Variants in TRAK2 observed in about 807,000 individuals in gnomAD.
The protein encoded by TRAK2 is trafficking kinesin protein 2.
TRAK2 carries 81 observed loss-of-function variants against 104.6 expected under a neutral mutation model. That is an observed-to-expected ratio of 0.77 (90% CI 0.65 to 0.93). TRAK2 has a LOEUF of 0.93. Ranked by LOEUF, TRAK2 falls within the 40% of genes least tolerant of loss-of-function variation. The probability of loss-of-function intolerance (pLI) is 0.00; values close to 1 mark genes in which losing one functional copy is unlikely to be tolerated. For missense variants in TRAK2, 1,002 were observed against 1,089.0 expected (o/e 0.92, Z 1.12); for synonymous variants, 406 against 394.4 (o/e 1.03, Z -0.35).
chr2:201,393,129 T>A, intron 9 of TRAK2, 83 bp from the exon 10 acceptor site: 1 of 1,424,742 alleles, frequency 7.0e-7, no homozygotes, highest in East Asian at 2.3e-5. Flanking sequence ...TTGGGATAAG[T>A]ATTGATTTTA....
chr2:201,381,501 T>A (rs1951345286), intron 15 of TRAK2, among the ~76,000 whole-genome samples: 1 of 152,208 alleles, frequency 6.6e-6, no homozygotes, highest in Non-Finnish European at 1.5e-5. Flanking sequence ...TAGATAACTT[T>A]ACTCTTAAAT....
intron 1 of TRAK2, among the ~76,000 whole-genome samples, chr2:201,426,761 G>A (rs1239358801): frequency 6.6e-6 from 1 of 152,184 alleles, no homozygotes; most frequent in Non-Finnish European, 1.5e-5. Context: ...CCTGCAGACT[G>A]TGCACCAAGT....
At position 201,420,598 on chromosome 2, in the gene TRAK2, A is replaced by G. The variant is rs1951732175; in HGVS notation, c.-91T>C. 1 of 1,044,330 alleles carries G rather than the reference A, an allele frequency of 9.6e-7. No individual in the cohort carries two copies. The highest frequency in any genetic ancestry group is 1.5e-6 in the Non-Finnish European group (1 of 680,512). 64.7% of individuals were successfully genotyped at this position (1,044,330 alleles called of 1,614,324 possible). On this transcript the variant is annotated 5_prime_UTR_variant, in exon 2 of 16. Coordinates refer to ENST00000332624, the MANE Select transcript of TRAK2 (RefSeq NM_015049.3). ...ATCAAGCCATTCAATAATGAAATGG[A>G]TTTGGTCACATGGATATTTTCTTTT...
intron 1 of TRAK2, among the ~76,000 whole-genome samples, chr2:201,442,711 T>C (rs570477203): frequency 6.6e-5 from 10 of 152,338 alleles, no homozygotes; most frequent in East Asian, 1.9e-4. Flanking sequence ...ATTTCTCTTA[T>C]TCTCATTCCT....
chr2:201,421,544 G>A (rs1410081244), intron 1 of TRAK2, among the ~76,000 whole-genome samples: 1 of 151,848 alleles, frequency 6.6e-6, no homozygotes, highest in Non-Finnish European at 1.5e-5. Flanking sequence ...AATGTCTCCA[G>A]ACATTGTCAG....
intron 1 of TRAK2, among the ~76,000 whole-genome samples, chr2:201,437,546 G>A (rs1387226845): frequency 1.3e-5 from 2 of 151,828 alleles, no homozygotes; most frequent in African/African-American, 4.8e-5. Flanking sequence ...TTCTTTTTCT[G>A]CTTCACTAAC....
In TRAK2 at chr2:201,381,103, G is replaced by C; in HGVS notation, c.2185C>G (p.Arg729Gly). 1 of 1,614,020 alleles carries C rather than the reference G, an allele frequency of 6.2e-7. No homozygotes were observed. Among genetic ancestry groups the C allele is most frequent in the Non-Finnish European group, 8.5e-7 (1 of 1,179,976 alleles). Reference sequence around the variant, plus strand: ...CTACTGAAGGTTGTAGTGGAATCTCGTCGGTTGGTGATGGACTCACCAATG... The same window carrying C: ...CTACTGAAGGTTGTAGTGGAATCTCCTCGGTTGGTGATGGACTCACCAATG... ...LSIGESITNRRDSTTTFSSTM... is the reference protein window; with the variant it reads ...LSIGESITNRGDSTTTFSSTM... Residue 729 changes from arginine to glycine, a missense_variant, in exon 16 of 16, where the codon CGA becomes GGA. Transcript: ENST00000332624.
rs545670475 is a variant in TRAK2 at position 201,382,400 on chromosome 2, C to T, written c.2070-1182G>A. On this transcript the variant is annotated intron_variant, in intron 15 of 15. Transcript: ENST00000332624. ...TGTAAGCTTAAAATTAACAAACTTT[C>T]TAAAGCACCAACTTGTATAGGAACA... 2.0e-5 allele frequency among the ~76,000 whole-genome samples: 3 copies of T among 152,278 alleles called. No individual in the cohort carries two copies. In the East Asian group the frequency reaches 5.8e-4, roughly 29 times the overall value.
At chr2:201,397,877 G>T in intron 6 of TRAK2, 1 of 554,834 alleles carries the variant, frequency 1.8e-6, no homozygotes, top group South Asian at 2.5e-5. Context: ...TATCACAGTT[G>T]TAACTACTTA....
chr2:201,384,713 T>C (rs1327411330), intron 14 of TRAK2, among the ~76,000 whole-genome samples: 1 of 152,262 alleles, frequency 6.6e-6, no homozygotes, highest in African/African-American at 2.4e-5. Flanking sequence ...CACCAAGTTG[T>C]ACTAGTCTTC....
At chr2:201,383,538 A>G (rs1407609617) in intron 15 of TRAK2, among the ~76,000 whole-genome samples, 1 of 152,228 alleles carries the variant, frequency 6.6e-6, no homozygotes, top group Non-Finnish European at 1.5e-5. Flanking sequence ...TTCTGTGTGT[A>G]CTGCCACATA....
chr2:201,443,068 C>A (rs1263293659), intron 1 of TRAK2, among the ~76,000 whole-genome samples: 2 of 152,134 alleles, frequency 1.3e-5, no homozygotes, highest in Non-Finnish European at 2.9e-5. Flanking sequence ...TGCTCAAATT[C>A]TTTTATTTTA....
At chr2:201,387,137 A>G (rs1318349539) in intron 13 of TRAK2, among the ~76,000 whole-genome samples, 1 of 152,232 alleles carries the variant, frequency 6.6e-6, no homozygotes, top group Non-Finnish European at 1.5e-5. Context: ...TCAAAATTTC[A>G]TTTAATGCAG....
intron 12 of TRAK2, among the ~76,000 whole-genome samples, chr2:201,389,015 A>G (rs1951417319): frequency 6.6e-6 from 1 of 152,244 alleles, no homozygotes. Context: ...GATGTATTCA[A>G]ACTTACATTT....
chr2:201,427,332 C>T lies in TRAK2; in HGVS notation c.-199-6626G>A, dbSNP rs1576531481. 2.1e-5 allele frequency among the ~76,000 whole-genome samples: 3 copies of T among 144,656 alleles called. No homozygotes were observed. In the Middle Eastern group the frequency reaches 0.011, roughly 513 times the overall value. The allele number at this position is 144,656 out of a possible 152,430, so 94.9% of individuals were successfully genotyped here. On this transcript the variant is annotated intron_variant, in intron 1 of 15. Coordinates refer to ENST00000332624, the MANE Select transcript of TRAK2 (RefSeq NM_015049.3). ...ATGCTATCCCTCCCCCCTCCCCGCA[C>T]CCCAAAACAGGCCCTGGTATGTGAT...
At chr2:201,427,411 A>G (rs1951799242) in intron 1 of TRAK2, among the ~76,000 whole-genome samples, 1 of 149,862 alleles carries the variant, frequency 6.7e-6, no homozygotes, top group African/African-American at 2.5e-5. Context: ...TATGAGTGAG[A>G]ACATGTGGTG....
At chr2:201,444,275 A>C (rs1275582399) in intron 1 of TRAK2, among the ~76,000 whole-genome samples, 1 of 152,138 alleles carries the variant, frequency 6.6e-6, no homozygotes, top group East Asian at 1.9e-4. Flanking sequence ...CATAGTAACG[A>C]CAATAAAACC....
intron 1 of TRAK2, among the ~76,000 whole-genome samples, chr2:201,445,641 GGTGA>G (rs1559457054): frequency 6.6e-6 from 1 of 152,238 alleles, no homozygotes; most frequent in Non-Finnish European, 1.5e-5. Context: ...GATTTGGATA[GGTGA>G]GGAGACTATC....
At chr2:201,434,362 C>T (rs139066925) in intron 1 of TRAK2, among the ~76,000 whole-genome samples, 14 of 152,226 alleles carry the variant, frequency 9.2e-5, no homozygotes, top group Middle Eastern at 3.4e-3. Context: ...ATTAGCACTG[C>T]TTTCAGGGAC....
Sources: gnomAD v4.1 joint callset for allele counts (sites outside exome capture counted in the v4.1 genomes callset) on GRCh38, gnomAD v4.1.1 for gene constraint, MANE v1.5 for transcripts, NCBI Gene and HGNC (gene_info 2026-07-23, HGNC 2026-07-21) for gene names.